Variants in SGCD observed in about 807,000 individuals in gnomAD.
SGCD encodes the protein delta-sarcoglycan.
A neutral mutation model predicts 36.6 loss-of-function variants in SGCD; 18 were observed. The observed-to-expected ratio is 0.49, with a 90% CI of 0.34 to 0.73. The LOEUF (loss-of-function observed/expected upper bound fraction) is 0.73. Ranked by LOEUF, SGCD falls within the 30% of genes least tolerant of loss-of-function variation. The pLI, the probability that SGCD is intolerant of heterozygous loss-of-function variation, is 0.01. For synonymous variants in SGCD, 133 were observed against 130.6 expected (o/e 1.02, Z -0.12); for missense variants, 387 against 346.7 (o/e 1.12, Z -0.92).
intron 4 of SGCD, among the ~76,000 whole-genome samples, chr5:156,577,912 TTC>T (rs1760050546): frequency 1.3e-5 from 2 of 152,228 alleles, no homozygotes; most frequent in South Asian, 4.1e-4. Flanking sequence ...CTTTATTTCT[TTC>T]TCTTCCTGAT....
intron 1 of SGCD, among the ~76,000 whole-genome samples, chr5:155,931,526 G>A (rs1451127842): frequency 2.6e-5 from 4 of 152,054 alleles, no homozygotes; most frequent in African/African-American, 9.7e-5. Flanking sequence ...ATTCAAAATT[G>A]TGGGGTTTTT....
At chr5:156,554,337 A>G (rs1292190009) in intron 4 of SGCD, among the ~76,000 whole-genome samples, 2 of 151,346 alleles carry the variant, frequency 1.3e-5, no homozygotes, top group Admixed American at 1.3e-4. Context: ...CCTTGGCAAC[A>G]GAGCGAGAGT....
intron 1 of SGCD, among the ~76,000 whole-genome samples, chr5:156,013,180 A>C (rs1305145399): frequency 6.6e-6 from 1 of 151,642 alleles, no homozygotes; most frequent in East Asian, 2.0e-4. Flanking sequence ...ACACGCCACC[A>C]CACCCGGCTA....
At chr5:156,751,339 A>G in intron 7 of SGCD, among the ~76,000 whole-genome samples, 1 of 152,218 alleles carries the variant, frequency 6.6e-6, no homozygotes, top group East Asian at 1.9e-4. Flanking sequence ...TTAGAGACAT[A>G]ATGAAAAAAG....
chr5:156,023,105 C>T (rs1449016696), intron 1 of SGCD, among the ~76,000 whole-genome samples: 2 of 152,244 alleles, frequency 1.3e-5, no homozygotes, highest in Non-Finnish European at 2.9e-5. Flanking sequence ...TTGAAACTCT[C>T]TGAACTTCCT....
chr5:155,829,284 A>G, the SGCD span, among the ~76,000 whole-genome samples: 1 of 151,698 alleles, frequency 6.6e-6, no homozygotes, highest in African/African-American at 2.4e-5. Context: ...ATGAGCCCAG[A>G]GCCCAGGAAA....
chr5:156,632,286 T>G (rs1006403891), intron 6 of SGCD, among the ~76,000 whole-genome samples: 6 of 152,052 alleles, frequency 3.9e-5, no homozygotes, highest in African/African-American at 1.4e-4. Flanking sequence ...CCCTTCTGTA[T>G]CCTGGGGGTG....
chr5:156,492,870 G>A (rs1299417994), intron 3 of SGCD, among the ~76,000 whole-genome samples: 7 of 152,006 alleles, frequency 4.6e-5, no homozygotes, highest in African/African-American at 7.2e-5. Context: ...AGCTTCATCC[G>A]TGTCCCTGGA....
At chr5:156,130,856 A>G (rs186796697) in intron 3 of SGCD, among the ~76,000 whole-genome samples, 13 of 152,050 alleles carry the variant, frequency 8.5e-5, no homozygotes, top group Non-Finnish European at 1.8e-4. Flanking sequence ...CCTCCAGAGT[A>G]GCTGGGATAA....
chr5:156,439,408 T>G (rs1753388320), intron 3 of SGCD, among the ~76,000 whole-genome samples: 1 of 152,142 alleles, frequency 6.6e-6, no homozygotes, highest in African/African-American at 2.4e-5. Context: ...AACTTAGTAC[T>G]TAAGAGAAAT....
intron 3 of SGCD, among the ~76,000 whole-genome samples, chr5:156,218,738 G>C (rs1485062302): frequency 6.6e-6 from 1 of 152,072 alleles, no homozygotes; most frequent in Admixed American, 6.5e-5. Flanking sequence ...TCTACCAGTG[G>C]GTGAAAGAAA....
intron 4 of SGCD, among the ~76,000 whole-genome samples, chr5:156,519,027 C>T (rs144658893): frequency 1.1e-4 from 16 of 149,142 alleles, no homozygotes; most frequent in African/African-American, 3.9e-4. Context: ...GTTGGAGACA[C>T]AAAAAAAATT....
At chr5:156,090,708 A>C (rs1761218187) in intron 1 of SGCD, among the ~76,000 whole-genome samples, 1 of 152,214 alleles carries the variant, frequency 6.6e-6, no homozygotes, top group Non-Finnish European at 1.5e-5. Flanking sequence ...GCAGGAGACC[A>C]GGGTGTATTT....
At chr5:156,508,145 G>A (rs562920638) in intron 3 of SGCD, among the ~76,000 whole-genome samples, 1 of 152,202 alleles carries the variant, frequency 6.6e-6, no homozygotes, top group Non-Finnish European at 1.5e-5. Context: ...CAACTAACTT[G>A]ACTCTTTACA....
At chr5:156,379,678 G>A (rs1770875537) in intron 3 of SGCD, among the ~76,000 whole-genome samples, 1 of 152,168 alleles carries the variant, frequency 6.6e-6, no homozygotes. Context: ...AGGGGAGAAG[G>A]AAGGGGATGA....
At chr5:156,282,893 C>T (rs979027491) in intron 3 of SGCD, among the ~76,000 whole-genome samples, 15 of 152,128 alleles carry the variant, frequency 9.9e-5, no homozygotes, top group South Asian at 2.1e-4. Context: ...AATAAAAATA[C>T]GTGATCCAAC....
chr5:156,547,017 T>C (rs2113177742), intron 4 of SGCD, among the ~76,000 whole-genome samples: 1 of 152,346 alleles, frequency 6.6e-6, no homozygotes, highest in East Asian at 1.9e-4. Context: ...TTTCCATCTG[T>C]ACAAATATTT....
chr5:156,623,167 G>A (rs1313054594), intron 6 of SGCD, among the ~76,000 whole-genome samples: 9 of 151,888 alleles, frequency 5.9e-5, no homozygotes, highest in Admixed American at 2.0e-4. Context: ...CCTTATATAC[G>A]TGTGTATGTA....
At chr5:156,433,956 G>A (rs1202093717) in intron 3 of SGCD, among the ~76,000 whole-genome samples, 1 of 152,134 alleles carries the variant, frequency 6.6e-6, no homozygotes, top group Non-Finnish European at 1.5e-5. Flanking sequence ...AGCTAAAACT[G>A]AGATTCCCAG....
Sources: gnomAD v4.1 joint callset for allele counts (sites outside exome capture counted in the v4.1 genomes callset) on GRCh38, gnomAD v4.1.1 for gene constraint, MANE v1.5 for transcripts, NCBI Gene and HGNC (gene_info 2026-07-23, HGNC 2026-07-21) for gene names.